HIVEP2: variants seen among roughly 807,000 people sequenced by gnomAD.
HIVEP2 encodes the protein HIVEP zinc finger 2, also known as transcription factor HIVEP2.
A neutral mutation model predicts 180.7 loss-of-function variants in HIVEP2; 14 were observed. That is an observed-to-expected ratio of 0.08 (90% confidence interval 0.05 to 0.12). The LOEUF (loss-of-function observed/expected upper bound fraction) is 0.12. Among genes scored for constraint, HIVEP2 ranks in the 10% least tolerant of loss-of-function variants. HIVEP2 has a pLI of 1.00. For synonymous variants in HIVEP2, 1,184 were observed against 1,136.4 expected, an observed-to-expected ratio of 1.04 and a Z score of -0.84; for missense variants, 2,579 against 3,008.5, an observed-to-expected ratio of 0.86 and a Z score of 3.34.
chr6:142,876,839 G>A lies in HIVEP2; in HGVS notation c.-640-39792C>T, dbSNP rs145843371. ...AGAGTTTAAGGCCAGCCTGGGCAAC[G>A]TGGCCAAATCCCATCTTCACACACA... is the stretch of plus-strand genomic sequence containing the variant. On this transcript the variant is annotated intron_variant, in intron 1 of 9. Coordinates refer to ENST00000367603, the MANE Select transcript of HIVEP2 (RefSeq NM_006734.4). 1.0e-3 allele frequency among the ~76,000 whole-genome samples: 152 copies of A among 145,668 alleles called. 1 individual carries two copies. The highest frequency in any genetic ancestry group is 1.7e-3 in the Admixed American group (24 of 14,332).
intron 1 of HIVEP2, among the ~76,000 whole-genome samples, chr6:142,922,088 A>C (rs1278611503): frequency 6.6e-6 from 1 of 151,968 alleles, no homozygotes; most frequent in East Asian, 1.9e-4. Context: ...ATCTGGCCTC[A>C]TCTTACATCT....
intron 1 of HIVEP2, among the ~76,000 whole-genome samples, chr6:142,903,980 T>C (rs993079701): frequency 6.6e-6 from 1 of 152,118 alleles, no homozygotes; most frequent in African/African-American, 2.4e-5. Context: ...TTTTGCACTA[T>C]ATACACAGAG....
At chr6:142,887,975 T>A (rs539923998) in intron 1 of HIVEP2, among the ~76,000 whole-genome samples, 7 of 126,992 alleles carry the variant, frequency 5.5e-5, no homozygotes, top group South Asian at 5.0e-4. Context: ...AAAAAAAAAA[T>A]TGCTTTTTCA....
chr6:142,822,185 A>G (rs1777059985), intron 2 of HIVEP2, among the ~76,000 whole-genome samples: 1 of 152,208 alleles, frequency 6.6e-6, no homozygotes, highest in African/African-American at 2.4e-5. Flanking sequence ...CGTCTACATC[A>G]GACCTTTTGA....
At chr6:142,853,074 C>G (rs1468537313) in intron 1 of HIVEP2, among the ~76,000 whole-genome samples, 1 of 151,960 alleles carries the variant, frequency 6.6e-6, no homozygotes, top group Non-Finnish European at 1.5e-5. Context: ...TATTGACTTC[C>G]TTCAGTTGGT....
intron 1 of HIVEP2, among the ~76,000 whole-genome samples, chr6:142,938,087 A>C (rs925132066): frequency 2.0e-5 from 3 of 152,236 alleles, no homozygotes; most frequent in Non-Finnish European, 2.9e-5. Flanking sequence ...GAGCTGGAAG[A>C]AGCTTTAGGA....
At chr6:142,911,160 A>AAAAT (rs397972719) in intron 1 of HIVEP2, among the ~76,000 whole-genome samples, 2 of 143,438 alleles carry the variant, frequency 1.4e-5, no homozygotes, top group Non-Finnish European at 3.1e-5. Flanking sequence ...AAAAAAAAAA[A>AAAAT]CTTAAAAATA....
At chr6:142,932,608 C>T (rs539227847) in intron 1 of HIVEP2, among the ~76,000 whole-genome samples, 1 of 152,172 alleles carries the variant, frequency 6.6e-6, no homozygotes, top group Non-Finnish European at 1.5e-5. Flanking sequence ...GAAAAGAATA[C>T]TTAAGGTGAA....
intron 1 of HIVEP2, among the ~76,000 whole-genome samples, chr6:142,856,173 G>A (rs573926160): frequency 1.2e-4 from 18 of 151,482 alleles, no homozygotes; most frequent in African/African-American, 3.4e-4. Flanking sequence ...TAACTGCATC[G>A]CTTTTCACTA....
chr6:142,830,188 C>CT (rs201279276), intron 2 of HIVEP2, among the ~76,000 whole-genome samples: 13 of 151,168 alleles, frequency 8.6e-5, no homozygotes, highest in Non-Finnish European at 1.6e-4. Flanking sequence ...ATGCCTAGTA[C>CT]TTTTTTTTTA....
intron 1 of HIVEP2, among the ~76,000 whole-genome samples, chr6:142,899,337 C>T (rs551946156): frequency 6.6e-6 from 1 of 152,324 alleles, no homozygotes; most frequent in South Asian, 2.1e-4. Flanking sequence ...TCAAGCCTCT[C>T]AAGTAAAGCT....
chr6:142,931,449 C>G (rs1294060959), intron 1 of HIVEP2, among the ~76,000 whole-genome samples: 1 of 152,040 alleles, frequency 6.6e-6, no homozygotes, highest in East Asian at 1.9e-4. Context: ...AGCCTAGTAT[C>G]AGTATGGCAT....
intron 1 of HIVEP2, among the ~76,000 whole-genome samples, chr6:142,867,052 T>C (rs888662731): frequency 1.3e-5 from 2 of 152,190 alleles, no homozygotes; most frequent in African/African-American, 2.4e-5. Flanking sequence ...ATTTCCAACC[T>C]GCTCTGGGTA....
chr6:142,799,707 A>G (rs1776360721), intron 2 of HIVEP2, among the ~76,000 whole-genome samples: 1 of 152,170 alleles, frequency 6.6e-6, no homozygotes, highest in Non-Finnish European at 1.5e-5. Context: ...CTATAATGCT[A>G]TCTGAAACTG....
chr6:142,783,363 T>C (rs1214260311), intron 3 of HIVEP2, among the ~76,000 whole-genome samples, 158 bp downstream of exon 3: 1 of 140,826 alleles, frequency 7.1e-6, no homozygotes, highest in African/African-American at 2.7e-5. Context: ...ACTAGTCTAC[T>C]ATGAAAAACA....
rs1454144514 is a variant in HIVEP2, at chr6:142,918,289, G to A, written c.-641+26810C>T. ...TCAAAGTCCTGACCTCAGGTGATCCGCCTGCCTCGGCCTCCCAAAGTGCTG... is the reference window on the plus strand; with the variant it reads ...TCAAAGTCCTGACCTCAGGTGATCCACCTGCCTCGGCCTCCCAAAGTGCTG... On this transcript the variant is annotated intron_variant, in intron 1 of 9. Coordinates refer to ENST00000367603, the MANE Select transcript of HIVEP2 (RefSeq NM_006734.4). Among the ~76,000 whole-genome samples, 4 of 151,682 alleles carry A rather than the reference G, an allele frequency of 2.6e-5. 1 individual carries two copies. The highest frequency in any genetic ancestry group is 4.2e-4 in the South Asian group (2 of 4,796).
In HIVEP2 at chr6:142,898,398, ACAC is replaced by A. The variant is rs1328973123; in HGVS notation, c.-641+46698_-641+46700del. Among the ~76,000 whole-genome samples the A allele has an allele frequency of 4.6e-5, 7 of 152,208 alleles. No homozygotes were observed. The East Asian group carries it at 1.3e-3, about 29-fold the overall frequency. On this transcript the variant is annotated intron_variant, in intron 1 of 9. Coordinates refer to ENST00000367603, the MANE Select transcript of HIVEP2 (RefSeq NM_006734.4). ...TCACACAGGCCGCGCGCAGTGGCTC[ACAC>A]CTGTAATCCCAACATTTTGGGAGGC... is the stretch of plus-strand genomic sequence containing the variant.
chr6:142,754,967 G>C (rs1323073321), intron 9 of HIVEP2, among the ~76,000 whole-genome samples: 1 of 152,060 alleles, frequency 6.6e-6, no homozygotes, highest in South Asian at 2.1e-4. Context: ...CATCTAAAAA[G>C]GACTTCATTT....
chr6:142,853,214 C>T (rs1775734858), intron 1 of HIVEP2, among the ~76,000 whole-genome samples: 1 of 151,192 alleles, frequency 6.6e-6, no homozygotes, highest in Non-Finnish European at 1.5e-5. Flanking sequence ...ATTTTTTTTT[C>T]CACATCAGAG....
Sources: gnomAD v4.1 joint callset for allele counts (sites outside exome capture counted in the v4.1 genomes callset) on GRCh38, gnomAD v4.1.1 for gene constraint, MANE v1.5 for transcripts, NCBI Gene and HGNC (gene_info 2026-07-23, HGNC 2026-07-21) for gene names.